The following RSPO2 variants were observed in gnomAD, a reference collection of about 807,000 sequenced individuals.
RSPO2 encodes the protein R-spondin 2, also known as R-spondin-2.
In RSPO2, 14 loss-of-function variants were observed where a neutral mutation model predicts 30.9. The ratio of observed to expected loss-of-function variants is 0.45; its 90% CI spans 0.30 to 0.71. The LOEUF (loss-of-function observed/expected upper bound fraction) is 0.71. Ranked by LOEUF, RSPO2 falls within the 30% of genes least tolerant of loss-of-function variation. The probability of loss-of-function intolerance (pLI) is 0.08; values close to 1 mark genes in which losing one functional copy is unlikely to be tolerated. For missense variants in RSPO2, 264 were observed against 301.9 expected, an observed-to-expected ratio of 0.87 and a Z score of 0.93; for synonymous variants, 107 against 96.4, an observed-to-expected ratio of 1.11 and a Z score of -0.64.
chr8:108,042,548 T>C (rs1811790591), intron 2 of RSPO2, among the ~76,000 whole-genome samples: 1 of 152,104 alleles, frequency 6.6e-6, no homozygotes, highest in South Asian at 2.1e-4. Flanking sequence ...GCCAAGTTAA[T>C]TAGAATGGCA....
At chr8:107,950,353 T>C (rs965200663) in intron 5 of RSPO2, among the ~76,000 whole-genome samples, 1 of 152,214 alleles carries the variant, frequency 6.6e-6, no homozygotes. Flanking sequence ...CTTTGCCTGG[T>C]AGCAAACCTA....
At chr8:108,013,678 T>C (rs1283460779) in intron 2 of RSPO2, among the ~76,000 whole-genome samples, 2 of 152,168 alleles carry the variant, frequency 1.3e-5, no homozygotes, top group African/African-American at 4.8e-5. Context: ...ACCCCTTCCT[T>C]ACACCTTATA....
intron 3 of RSPO2, among the ~76,000 whole-genome samples, chr8:107,977,788 T>G (rs1814270223): frequency 6.6e-6 from 1 of 152,090 alleles, no homozygotes; most frequent in East Asian, 1.9e-4. Context: ...CCCACCAGAT[T>G]CAGGTTTAAC....
Position 108,029,054 on chromosome 8 carries a change from CTTTTTTTTTTTTTTTTTTTTTTTT to C in RSPO2, c.95-39834_95-39811del, listed in dbSNP as rs71308771. Among the ~76,000 whole-genome samples the C allele has an allele frequency of 3.8e-4, 10 of 26,170 alleles. 1 individual carries two copies. The South Asian group carries it at 0.011, about 30-fold the overall frequency. 17.2% of individuals were successfully genotyped at this position (26,170 alleles called of 152,430 possible). ...AACTTGGGTAACTGTTAACATGAGTCTTTTTTTTTTTTTTTTTTTTTTTTTTTTTTTTTTTTTTGCCTAAAAAGG... is the reference window on the plus strand; with the variant it reads ...AACTTGGGTAACTGTTAACATGAGTCTTTTTTTTTTTTTTGCCTAAAAAGG... On this transcript the variant is annotated intron_variant, in intron 2 of 5. Transcript: ENST00000276659.
intron 3 of RSPO2, among the ~76,000 whole-genome samples, chr8:107,964,273 G>A (rs114822103): frequency 0.014 from 2,125 of 152,150 alleles, 38 homozygotes; most frequent in African/African-American, 0.047. Flanking sequence ...ACAGAATTTC[G>A]CTCTTGTTGC....
intron 2 of RSPO2, among the ~76,000 whole-genome samples, chr8:108,025,104 T>TAC (rs978306724): frequency 4.6e-5 from 7 of 151,972 alleles, no homozygotes; most frequent in East Asian, 1.9e-4. Context: ...TAAATGTGTA[T>TAC]ACACACACAC....
intron 3 of RSPO2, among the ~76,000 whole-genome samples, chr8:107,963,401 G>A (rs965079964): frequency 1.2e-4 from 18 of 151,752 alleles, no homozygotes; most frequent in Admixed American, 3.3e-4. Flanking sequence ...GTATGTGCCT[G>A]TTGGTCCCAG....
intron 5 of RSPO2, among the ~76,000 whole-genome samples, chr8:107,924,988 A>G (rs192338783): frequency 3.2e-4 from 49 of 152,154 alleles, no homozygotes; most frequent in Non-Finnish European, 6.3e-4. Flanking sequence ...TACAATTACA[A>G]TAAGATCACT....
chr8:107,956,185 AT>A (rs1178796056), intron 5 of RSPO2, among the ~76,000 whole-genome samples: 1 of 152,226 alleles, frequency 6.6e-6, no homozygotes. Flanking sequence ...ATAATTTGCC[AT>A]TTCTCTCAAC....
At chr8:108,045,423 T>C in intron 2 of RSPO2, among the ~76,000 whole-genome samples, 1 of 152,076 alleles carries the variant, frequency 6.6e-6, no homozygotes, top group Non-Finnish European at 1.5e-5. Context: ...AATTCCTGTA[T>C]AGGTCAAGAA....
rs554394542 is a variant in RSPO2, at chr8:107,939,070, G to A, written c.616+19010C>T. 1.2e-4 allele frequency among the ~76,000 whole-genome samples: 18 copies of A among 152,212 alleles called. 1 individual carries two copies. In the South Asian group the frequency reaches 3.7e-3, roughly 32 times the overall value. ...GCCTGAAGTATCTACAAAAGATGAGGAAAGGGATTCTGAAGAAAGGAAACA... is the reference window on the plus strand; with the variant it reads ...GCCTGAAGTATCTACAAAAGATGAGAAAAGGGATTCTGAAGAAAGGAAACA... On this transcript the variant is annotated intron_variant, in intron 5 of 5. Transcript: ENST00000276659.
chr8:108,039,003 G>A (rs1181540348), intron 2 of RSPO2, among the ~76,000 whole-genome samples: 1 of 152,114 alleles, frequency 6.6e-6, no homozygotes, highest in African/African-American at 2.4e-5. Flanking sequence ...TAAGTGTCTA[G>A]TAGACATCAC....
At chr8:107,983,998 G>C (rs1023604735) in intron 3 of RSPO2, 62 of 724,082 alleles carry the variant, frequency 8.6e-5, no homozygotes, top group Non-Finnish European at 1.3e-4. Flanking sequence ...AAGGGGAAAA[G>C]AGGAAATAAT....
At chr8:107,949,253 A>C (rs1379323882) in intron 5 of RSPO2, among the ~76,000 whole-genome samples, 2 of 152,152 alleles carry the variant, frequency 1.3e-5, no homozygotes, top group African/African-American at 4.8e-5. Flanking sequence ...AGAACACACA[A>C]TATCTGGTTT....
At chr8:107,995,172 T>C (rs1313555290) in intron 2 of RSPO2, among the ~76,000 whole-genome samples, 1 of 152,148 alleles carries the variant, frequency 6.6e-6, no homozygotes, top group East Asian at 1.9e-4. Flanking sequence ...TTCTCTTTTA[T>C]TTGCATGTTG....
intron 5 of RSPO2, among the ~76,000 whole-genome samples, chr8:107,914,982 T>C (rs1388658216): frequency 6.6e-6 from 1 of 152,184 alleles, no homozygotes; most frequent in Non-Finnish European, 1.5e-5. Flanking sequence ...TTAATGACCA[T>C]TGAATCTTAA....
chr8:108,037,369 A>T (rs1811628905), intron 2 of RSPO2, among the ~76,000 whole-genome samples: 1 of 152,190 alleles, frequency 6.6e-6, no homozygotes, highest in Non-Finnish European at 1.5e-5. Flanking sequence ...AACTCTCTTT[A>T]ACTCTACAAA....
At chr8:107,941,404 G>T (rs1337975865) in intron 5 of RSPO2, among the ~76,000 whole-genome samples, 1 of 152,074 alleles carries the variant, frequency 6.6e-6, no homozygotes, top group East Asian at 1.9e-4. Context: ...ATAAATGGGT[G>T]CCAAAAAATA....
chr8:107,905,008 A>AT (rs1425220592), intron 5 of RSPO2, among the ~76,000 whole-genome samples: 1 of 151,282 alleles, frequency 6.6e-6, no homozygotes, highest in Non-Finnish European at 1.5e-5. Flanking sequence ...CCAGCTGTGA[A>AT]TTGCTGCTAT....
Sources: gnomAD v4.1 joint callset for allele counts (sites outside exome capture counted in the v4.1 genomes callset) on GRCh38, gnomAD v4.1.1 for gene constraint, MANE v1.5 for transcripts, NCBI Gene and HGNC (gene_info 2026-07-23, HGNC 2026-07-21) for gene names.